MXD3: variants seen among roughly 807,000 people sequenced by gnomAD.
MXD3 encodes the protein Max-associated protein 3.
In MXD3, 20 loss-of-function variants were observed where a neutral mutation model predicts 27.5. The observed-to-expected ratio is 0.73, with a 90% CI of 0.51 to 1.06. The LOEUF is 1.06. Ranked by LOEUF, MXD3 falls within the 50% of genes least tolerant of loss-of-function variation. The pLI is 0.00. For synonymous variants in MXD3, 150 were observed against 130.7 expected (o/e 1.15, Z -1.01); for missense variants, 298 against 291.3 (o/e 1.02, Z -0.17).
At position 177,307,560 on chromosome 5, in the gene MXD3, G is replaced by T; in HGVS notation, c.*28C>A. On this transcript the variant is annotated 3_prime_UTR_variant, in exon 6 of 6. Coordinates refer to ENST00000439742, the MANE Select transcript of MXD3 (RefSeq NM_031300.4). ...GCAAGTGGGCCTGGCACGAGTAGAGGGCAGAGGCCCGCCCTGGGTGAGGAA... is the reference window on the plus strand; with the variant it reads ...GCAAGTGGGCCTGGCACGAGTAGAGTGCAGAGGCCCGCCCTGGGTGAGGAA... 6.2e-7 allele frequency: 1 copy of T among 1,608,400 alleles called. No homozygotes were observed.
chr5:177,312,738 G>C (rs368028812), upstream of MXD3: 1 of 985,536 alleles, frequency 1.0e-6, no homozygotes, highest in African/African-American at 1.7e-5. Flanking sequence ...TACCCTGGAG[G>C]CACGCGAAAT....
chr5:177,311,503 G>T lies in MXD3; in HGVS notation c.71-19C>A. 7.1e-7 allele frequency: 1 copy of T among 1,418,268 alleles called. No individual in the cohort carries two copies. Among genetic ancestry groups the T allele is most frequent in the Non-Finnish European group, 9.2e-7 (1 of 1,082,264 alleles). 87.9% of individuals were successfully genotyped at this position (1,418,268 alleles called of 1,614,324 possible). A position where few individuals can be genotyped will look rare whatever the true frequency, so the allele number is the denominator to read the frequency against. On this transcript the variant is annotated intron_variant, in intron 1 of 5. Coordinates refer to ENST00000439742, the MANE Select transcript of MXD3 (RefSeq NM_031300.4). ...TCGGCCTCTGCCAGAGAGAGTCCCC[G>T]CCCGCGTCAGGCTGGGGCTGGACCT...
At chr5:177,311,349 C>CCCCACT (rs1288357723) in intron 2 of MXD3, 30 bp downstream of exon 2, 3 of 1,395,446 alleles carry the variant, frequency 2.1e-6, no homozygotes, top group Admixed American at 3.6e-5. Flanking sequence ...CCACCCCCAC[C>CCCCACT]CCCACTCCCG....
downstream of MXD3, chr5:177,306,958 C>T: frequency 9.1e-7 from 1 of 1,093,666 alleles, no homozygotes; most frequent in Non-Finnish European, 1.3e-6. Flanking sequence ...CAGTTGGCCC[C>T]AGCTCTGGAG....
downstream of MXD3, chr5:177,305,932 G>T (rs750714431): frequency 2.5e-6 from 4 of 1,614,044 alleles, no homozygotes; most frequent in Non-Finnish European, 2.5e-6. Flanking sequence ...ACTGAAATCC[G>T]CCGGGAAGCC....
chr5:177,306,627 C>G (rs2127299776), downstream of MXD3: 1 of 1,555,752 alleles, frequency 6.4e-7, no homozygotes, highest in South Asian at 1.2e-5. Flanking sequence ...TCTGCCCTCC[C>G]TTCATTGTAC....
In MXD3 at chr5:177,307,401, C is replaced by G; in HGVS notation, c.*187G>C. The G allele has an allele frequency of 1.3e-6, 2 of 1,491,076 alleles. No homozygotes were observed. Among genetic ancestry groups the G allele is most frequent in the Admixed American group, 2.0e-5 (1 of 50,934 alleles). 92.4% of individuals were successfully genotyped at this position (1,491,076 alleles called of 1,614,324 possible). ...GAGGTCCTGATGAGTCCTGCCCCTT[C>G]CCTTCCAGAGGGCCTGCCTGGCAGC... On this transcript the variant is annotated 3_prime_UTR_variant, in exon 6 of 6. Transcript: ENST00000439742.
chr5:177,308,744 G>A (rs1471981847), intron 4 of MXD3, among the ~76,000 whole-genome samples: 1 of 152,188 alleles, frequency 6.6e-6, no homozygotes, highest in Non-Finnish European at 1.5e-5. Flanking sequence ...GGGATTGACA[G>A]CTAATTTAAA....
intron 2 of MXD3, 60 bp downstream of exon 2, chr5:177,311,319 G>A: frequency 1.7e-6 from 2 of 1,188,388 alleles, no homozygotes; most frequent in Non-Finnish European, 2.3e-6. Flanking sequence ...GGCAGAGGAG[G>A]GCCCGACCAG....
downstream of MXD3, chr5:177,305,916 G>A: frequency 1.9e-6 from 3 of 1,614,184 alleles, no homozygotes; most frequent in Non-Finnish European, 1.7e-6. Flanking sequence ...TGACAACAGT[G>A]GCTGGACTGA....
intron 4 of MXD3, 57 bp downstream of exon 4, chr5:177,310,369 T>G: frequency 7.0e-7 from 1 of 1,419,166 alleles, no homozygotes; most frequent in Non-Finnish European, 9.7e-7. Context: ...AGCCCCTCCA[T>G]AGCACAGCCC....
chr5:177,310,742 C>T (rs201802268), intron 2 of MXD3, 45 bp from the exon 3 acceptor site: 2 of 1,609,726 alleles, frequency 1.2e-6, no homozygotes, highest in Non-Finnish European at 1.7e-6. Context: ...TCAGCTACTG[C>T]CCATGCCCCA....
Position 177,307,837 on chromosome 5 carries a change from C to A in MXD3, c.449G>T (p.Arg150Leu), listed in dbSNP as rs759493630. The A allele has an allele frequency of 6.2e-7, 1 of 1,611,550 alleles. No individual in the cohort carries two copies. Among genetic ancestry groups the A allele is most frequent in the Admixed American group, 1.7e-5 (1 of 59,930 alleles). ...LAGAAERERL[R>L]ADSLDSSGLS... ...GCCTGAGGAGTCCAGACTGTCCGCC[C>A]GCAGCCGCTCCCGCTCGGCCGCCCC... Residue 150 changes from arginine (R) to leucine (L), a missense_variant, in exon 5 of 6, where the codon CGG becomes CTG. By Grantham distance (102) the Arg-to-Leu change is moderately radical. Coordinates refer to ENST00000439742, the MANE Select transcript of MXD3 (RefSeq NM_031300.4).
At chr5:177,307,097 C>G, downstream of MXD3, 5 of 1,483,136 alleles carry the variant, frequency 3.4e-6, no homozygotes, top group East Asian at 2.5e-5. Flanking sequence ...ATTAAGTGCA[C>G]TGCCTGGCAC....
chr5:177,310,908 C>A, intron 2 of MXD3: 1 of 623,850 alleles, frequency 1.6e-6, no homozygotes, highest in Non-Finnish European at 2.8e-6. Flanking sequence ...GAAGCCTGCC[C>A]AGGTGGGTAT....
downstream of MXD3, chr5:177,306,976 G>C (rs917377003): frequency 2.0e-5 from 25 of 1,281,912 alleles, no homozygotes; most frequent in South Asian, 2.8e-4. Flanking sequence ...GAGTCGGAAG[G>C]CTCTGGTTTG....
chr5:177,307,844 G>C lies in MXD3; in HGVS notation c.442C>G (p.Arg148Gly), dbSNP rs373557433. Residue 148 changes from arginine to glycine, a missense_variant, in exon 5 of 6, where the codon CGG (arginine) becomes GGG (glycine). Physicochemically the swap from Arg to Gly is moderately radical, Grantham distance 125 (BLOSUM62 -2). Transcript: ENST00000439742. Reference sequence around the variant, plus strand: ...GAGTCCAGACTGTCCGCCCGCAGCCGCTCCCGCTCGGCCGCCCCTGCCAGC... The same window carrying C: ...GAGTCCAGACTGTCCGCCCGCAGCCCCTCCCGCTCGGCCGCCCCTGCCAGC... The part of the protein sequence containing the change: ...RGLAGAAERE[R>G]LRADSLDSSG... 5 of 1,610,680 alleles carry C rather than the reference G, an allele frequency of 3.1e-6. No homozygotes were observed. In the African/African-American group the frequency reaches 6.7e-5, roughly 22 times the overall value.
chr5:177,312,378 C>T (rs2082741014), upstream of MXD3: 1 of 985,768 alleles, frequency 1.0e-6, no homozygotes, highest in Non-Finnish European at 1.2e-6. Context: ...GTCGGGGAGC[C>T]TCTGATGCCC....
At chr5:177,308,344 G>GCA in intron 4 of MXD3, among the ~76,000 whole-genome samples, 1 of 152,124 alleles carries the variant, frequency 6.6e-6, no homozygotes, top group South Asian at 2.1e-4. Flanking sequence ...AACAGGCCCG[G>GCA]TGTTACCAGG....
Sources: allele counts gnomAD v4.1 joint callset (sites outside exome capture counted in the v4.1 genomes callset), GRCh38; gene constraint gnomAD v4.1.1; transcripts MANE v1.5; gene names NCBI Gene and HGNC (gene_info 2026-07-23, HGNC 2026-07-21).